ZCCHC7: variants seen among roughly 807,000 people sequenced by gnomAD.
ZCCHC7 encodes the protein zinc finger CCHC domain-containing protein 7.
A neutral mutation model predicts 52.0 loss-of-function variants in ZCCHC7; 35 were observed. That is an observed-to-expected ratio of 0.67 (90% CI 0.51 to 0.89). The LOEUF is 0.89. ZCCHC7 is among the 40% of genes least tolerant of loss of function. The pLI is 0.00. For synonymous variants in ZCCHC7, 217 were observed against 221.5 expected, an observed-to-expected ratio of 0.98 and a Z score of 0.18; for missense variants, 574 against 649.1, an observed-to-expected ratio of 0.88 and a Z score of 1.26.
intron 2 of ZCCHC7, among the ~76,000 whole-genome samples, chr9:37,235,559 C>CTCCCTTCCAT (rs1825611211): frequency 2.7e-5 from 3 of 109,874 alleles, no homozygotes; most frequent in Admixed American, 1.0e-4. Context: ...CTCCCCTCCC[C>CTCCCTTCCAT]TCCCTTCCCT....
At chr9:37,155,086 T>C (rs1588391400) in intron 2 of ZCCHC7, among the ~76,000 whole-genome samples, 1 of 151,858 alleles carries the variant, frequency 6.6e-6, no homozygotes, top group Non-Finnish European at 1.5e-5. Context: ...GCGGGCGGGG[T>C]GTAGTGGCTC....
chr9:37,301,524 TG>T (rs1829029583), intron 2 of ZCCHC7, among the ~76,000 whole-genome samples: 3 of 152,076 alleles, frequency 2.0e-5, no homozygotes. Flanking sequence ...TGCTTAAGCC[TG>T]GGAGGCGGAG....
At chr9:37,122,176 A>G (rs1171983332) in intron 1 of ZCCHC7, among the ~76,000 whole-genome samples, 2 of 152,250 alleles carry the variant, frequency 1.3e-5, no homozygotes, top group Non-Finnish European at 2.9e-5. Flanking sequence ...AATGACCAGT[A>G]GGTAGACTGT....
At chr9:37,143,022 G>A (rs548424635) in intron 2 of ZCCHC7, among the ~76,000 whole-genome samples, 8 of 151,804 alleles carry the variant, frequency 5.3e-5, no homozygotes, top group East Asian at 3.9e-4. Flanking sequence ...CTGTAGAGCC[G>A]AACTTGAAAT....
chr9:37,235,490 T>C (rs1825601219), intron 2 of ZCCHC7, among the ~76,000 whole-genome samples: 1 of 144,936 alleles, frequency 6.9e-6, no homozygotes, highest in Non-Finnish European at 1.5e-5. Context: ...TTTCTTTCCT[T>C]CCTTCCTTCT....
chr9:37,229,105 G>T (rs1271242654), intron 2 of ZCCHC7, among the ~76,000 whole-genome samples: 3 of 152,012 alleles, frequency 2.0e-5, no homozygotes, highest in Non-Finnish European at 2.9e-5. Context: ...AAAGTGTTAG[G>T]ATTACAGGTG....
chr9:37,296,879 GTT>G (rs1291854913), intron 2 of ZCCHC7, among the ~76,000 whole-genome samples: 12 of 125,814 alleles, frequency 9.5e-5, no homozygotes, highest in East Asian at 2.3e-4. Context: ...TACCTGGCTA[GTT>G]TGTGTGTGTG....
intron 2 of ZCCHC7, among the ~76,000 whole-genome samples, chr9:37,174,857 C>T (rs1182343101): frequency 1.3e-5 from 2 of 152,154 alleles, no homozygotes; most frequent in Admixed American, 1.3e-4. Context: ...TCGATCCTGG[C>T]CGGGCATGGT....
chr9:37,178,581 C>G (rs1274743945), intron 2 of ZCCHC7, among the ~76,000 whole-genome samples: 1 of 151,810 alleles, frequency 6.6e-6, no homozygotes, highest in East Asian at 1.9e-4. Flanking sequence ...GGATAAAACT[C>G]TTATAGTTAT....
intron 2 of ZCCHC7, among the ~76,000 whole-genome samples, chr9:37,260,250 T>A (rs1003966734): frequency 8.5e-5 from 13 of 152,208 alleles, no homozygotes; most frequent in African/African-American, 2.4e-4. Flanking sequence ...TGAGCCGCTC[T>A]TTCATGGGGC....
At chr9:37,172,861 A>G (rs1455219191) in intron 2 of ZCCHC7, among the ~76,000 whole-genome samples, 2 of 151,678 alleles carry the variant, frequency 1.3e-5, no homozygotes, top group Non-Finnish European at 2.9e-5. Flanking sequence ...TGAGCGAGCA[A>G]CATGGGCATT....
chr9:37,330,707 G>A (rs1325228158), intron 6 of ZCCHC7, among the ~76,000 whole-genome samples: 1 of 151,052 alleles, frequency 6.6e-6, no homozygotes, highest in Non-Finnish European at 1.5e-5. Flanking sequence ...TCAGATTTTT[G>A]TAGAGCCTGA....
At chr9:37,212,454 T>G (rs1824293570) in intron 2 of ZCCHC7, among the ~76,000 whole-genome samples, 1 of 152,230 alleles carries the variant, frequency 6.6e-6, no homozygotes, top group African/African-American at 2.4e-5. Flanking sequence ...GAGCAGATCT[T>G]TAAAAAAAAT....
intron 7 of ZCCHC7, among the ~76,000 whole-genome samples, chr9:37,353,874 G>A (rs1055461298): frequency 2.6e-5 from 4 of 152,132 alleles, no homozygotes; most frequent in African/African-American, 9.7e-5. Flanking sequence ...AGGCAAGATG[G>A]CAGAGGCAGA....
At chr9:37,286,279 A>G (rs773311629) in intron 2 of ZCCHC7, among the ~76,000 whole-genome samples, 1 of 152,226 alleles carries the variant, frequency 6.6e-6, no homozygotes, top group Non-Finnish European at 1.5e-5. Context: ...ATTATTATTC[A>G]TATTTTTATG....
chr9:37,189,265 T>C (rs2133094708), intron 2 of ZCCHC7, among the ~76,000 whole-genome samples: 1 of 152,126 alleles, frequency 6.6e-6, no homozygotes, highest in South Asian at 2.1e-4. Context: ...CATCTGTTGT[T>C]TTTTTCTCAT....
chr9:37,140,513 A>G (rs757255164), intron 2 of ZCCHC7, among the ~76,000 whole-genome samples: 2 of 151,934 alleles, frequency 1.3e-5, no homozygotes, highest in Non-Finnish European at 2.9e-5. Flanking sequence ...AAGTTTCTGG[A>G]TAGGTGAGTG....
At chr9:37,336,974 A>G (rs564825180) in intron 6 of ZCCHC7, among the ~76,000 whole-genome samples, 1 of 152,234 alleles carries the variant, frequency 6.6e-6, no homozygotes, top group East Asian at 1.9e-4. Context: ...CCCGCATGCT[A>G]TGAATGGCAG....
At chr9:37,297,507 C>T (rs568320343) in intron 2 of ZCCHC7, among the ~76,000 whole-genome samples, 3 of 152,300 alleles carry the variant, frequency 2.0e-5, no homozygotes, top group East Asian at 3.9e-4. Context: ...AATTCTAGTT[C>T]ATTGTATGCT....
Sources: gnomAD v4.1 joint callset for allele counts (sites outside exome capture counted in the v4.1 genomes callset) on GRCh38, gnomAD v4.1.1 for gene constraint, MANE v1.5 for transcripts, NCBI Gene and HGNC (gene_info 2026-07-23, HGNC 2026-07-21) for gene names.